HTR1D: variants seen among roughly 807,000 people sequenced by gnomAD.
The protein encoded by HTR1D is 5-hydroxytryptamine receptor 1D, also known as 5-HT-1D.
HTR1D carries 18 observed loss-of-function variants against 21.1 expected under a neutral mutation model. The observed-to-expected ratio is 0.85, with a 90% CI of 0.59 to 1.27. The LOEUF (loss-of-function observed/expected upper bound fraction) is 1.27, where lower values mean the gene tolerates loss of function less well. HTR1D is among the 50% of genes most tolerant of loss of function. The pLI is 0.00. For synonymous variants in HTR1D, 196 were observed against 204.4 expected, an observed-to-expected ratio of 0.96 and a Z score of 0.35; for missense variants, 456 against 481.4, an observed-to-expected ratio of 0.95 and a Z score of 0.49.
intron 1 of HTR1D, among the ~76,000 whole-genome samples, chr1:23,199,798 C>G (rs1056937929): frequency 5.3e-5 from 8 of 151,534 alleles, no homozygotes; most frequent in African/African-American, 1.7e-4. Context: ...CTCCGCCTTC[C>G]GGGTTCAAGT....
At position 23,193,184 on chromosome 1, in the gene HTR1D, A is replaced by T; in HGVS notation, c.1036T>A (p.Tyr346Asn). Residue 346 changes from tyrosine (Y) to asparagine (N), a missense_variant, in exon 2 of 2, where the codon TAT becomes AAT. Transcript: ENST00000374619. The stretch of plus-strand genomic sequence containing the variant: ...ATTGGATTGATGAGGGAGTTTAAAT[A>T]GCCTAGCCAGGTGAAGAAGTCAAAG... ...ALFDFFTWLG[Y>N]LNSLINPIIY... 6.2e-7 allele frequency: 1 copy of T among 1,614,066 alleles called. No individual in the cohort carries two copies. Among genetic ancestry groups the T allele is most frequent in the Non-Finnish European group, 8.5e-7 (1 of 1,179,992 alleles).
chr1:23,206,049 C>CT (rs923780808), intron 1 of HTR1D, among the ~76,000 whole-genome samples: 86 of 148,858 alleles, frequency 5.8e-4, no homozygotes, highest in South Asian at 1.5e-3. Flanking sequence ...TCCTTCCTTT[C>CT]TTTTTTTTTT....
rs1644778616 is a variant in HTR1D, at chr1:23,217,168, C to G, written c.-783+123G>C. On this transcript the variant is annotated intron_variant, in intron 1 of 1. Transcript: ENST00000374619. The surrounding 1 kb of genome is among the most constrained non-coding windows in gnomAD (Gnocchi z 4.6). ...ACCCTCTCCCTGGCGCGCGCCCGTC[C>G]GAGGGCACAGAGAGGCGGGACGCCC... Among the ~76,000 whole-genome samples, 1 of 151,900 alleles carries G rather than the reference C, an allele frequency of 6.6e-6. No homozygotes were observed. The highest frequency in any genetic ancestry group is 2.0e-4 in the East Asian group (1 of 5,096).
chr1:23,202,410 T>C (rs1644713428), intron 1 of HTR1D, among the ~76,000 whole-genome samples: 1 of 152,088 alleles, frequency 6.6e-6, no homozygotes, highest in Non-Finnish European at 1.5e-5. Context: ...GCTGGCCTCT[T>C]ACAAAAGCAA....
At chr1:23,215,692 T>C (rs142340350) in intron 1 of HTR1D, among the ~76,000 whole-genome samples, 2,742 of 152,340 alleles carry the variant, frequency 0.018, 34 homozygotes, top group Middle Eastern at 0.054. Context: ...ATCAGGTAAC[T>C]GACAAACTCT....
chr1:23,212,547 C>G (rs1644757605), intron 1 of HTR1D, among the ~76,000 whole-genome samples: 1 of 152,222 alleles, frequency 6.6e-6, no homozygotes, highest in African/African-American at 2.4e-5. Flanking sequence ...ATCTCATTAT[C>G]CTGCAGTCCA....
Position 23,217,109 on chromosome 1 carries a change from G to C in HTR1D, c.-783+182C>G, listed in dbSNP as rs555559981. 6.6e-6 allele frequency among the ~76,000 whole-genome samples: 1 copy of C among 151,912 alleles called. No homozygotes were observed. The highest frequency in any genetic ancestry group is 2.1e-4 in the South Asian group (1 of 4,826). ...CCCGGGGCTCTGGACGGCCACCCCC[G>C]GTGGCCTCCCTCCGGCCGGGCAGGT... is the stretch of plus-strand genomic sequence containing the variant. On this transcript the variant is annotated intron_variant, in intron 1 of 1. Transcript: ENST00000374619. This position sits in a 1 kb window ranked among gnomAD's most constrained non-coding sequence, Gnocchi z 4.6.
chr1:23,197,515 G>A (rs1436196723), intron 1 of HTR1D, among the ~76,000 whole-genome samples: 1 of 152,096 alleles, frequency 6.6e-6, no homozygotes, highest in Admixed American at 6.6e-5. Context: ...TGGATCACCT[G>A]AGGTCAGGAG....
At chr1:23,210,833 A>G (rs1252031305) in intron 1 of HTR1D, among the ~76,000 whole-genome samples, 2 of 151,874 alleles carry the variant, frequency 1.3e-5, no homozygotes, top group Non-Finnish European at 2.9e-5. Context: ...TCCCCCCTAT[A>G]CTGGAGCCCA....
chr1:23,200,553 A>T (rs1168066042), intron 1 of HTR1D, among the ~76,000 whole-genome samples: 3 of 152,208 alleles, frequency 2.0e-5, no homozygotes, highest in Admixed American at 2.0e-4. Flanking sequence ...TTATTTATTT[A>T]TTTATGGATA....
At chr1:23,209,242 G>A (rs989306630) in intron 1 of HTR1D, among the ~76,000 whole-genome samples, 2 of 152,062 alleles carry the variant, frequency 1.3e-5, no homozygotes, top group Admixed American at 6.6e-5. Context: ...CAGGTGATCC[G>A]TCCGCCTCGG....
At position 23,193,097 on chromosome 1, in the gene HTR1D, T is replaced by G; in HGVS notation, c.1123A>C (p.Lys375Gln). ...QAFQKIVPFR[K>Q]AS ...ATCACCGAATAAGACTAGGAGGCCT[T>G]CCGGAAAGGGACAATTTTCTGAAAA... Residue 375 changes from lysine to glutamine, a missense_variant, in exon 2 of 2, where the codon AAG becomes CAG. Transcript: ENST00000374619. 6.2e-7 allele frequency: 1 copy of G among 1,607,440 alleles called. No homozygotes were observed. Among genetic ancestry groups the G allele is most frequent in the African/African-American group, 1.3e-5 (1 of 74,626 alleles).
At chr1:23,201,359 C>A (rs568380628) in intron 1 of HTR1D, among the ~76,000 whole-genome samples, 111 of 152,240 alleles carry the variant, frequency 7.3e-4, no homozygotes, top group African/African-American at 2.6e-3. Context: ...GGAGAGGAAC[C>A]ACCTGTCCTG....
chr1:23,202,434 A>ACAAAAG (rs764659486), intron 1 of HTR1D, among the ~76,000 whole-genome samples: 3 of 152,170 alleles, frequency 2.0e-5, no homozygotes, highest in Non-Finnish European at 2.9e-5. Flanking sequence ...CTGGCCTCTT[A>ACAAAAG]CAAAAGCTTC....
At chr1:23,214,439 C>CATTG (rs1557729900) in intron 1 of HTR1D, among the ~76,000 whole-genome samples, 1 of 152,038 alleles carries the variant, frequency 6.6e-6, no homozygotes, top group African/African-American at 2.4e-5. Context: ...TTCATTCATT[C>CATTG]ATTCATTCAT....
chr1:23,197,389 T>C (rs1040719603), intron 1 of HTR1D, among the ~76,000 whole-genome samples: 3 of 152,172 alleles, frequency 2.0e-5, no homozygotes, highest in African/African-American at 4.8e-5. Context: ...ACATGGACTG[T>C]AGCTCTATAA....
In HTR1D at chr1:23,194,206, T is replaced by C. The variant is rs866666318; in HGVS notation, c.14A>G (p.Asn5Ser). 6.2e-7 allele frequency: 1 copy of C among 1,613,208 alleles called. No individual in the cohort carries two copies. The change falls in exon 2 of 2, where the codon AAC becomes AGC. Residue 5 changes from asparagine (N) to serine (S), a missense_variant. Physicochemically the swap from Asn to Ser is conservative, Grantham distance 46 (BLOSUM62 1). Coordinates refer to ENST00000374619, the MANE Select transcript of HTR1D (RefSeq NM_000864.5). MSPL[N>S]QSAEGLPQEA... ...CTGGGGAAGGCCTTCTGCTGACTGG[T>C]TCAGTGGGGACATGCTAGGTGGCTC...
At chr1:23,211,089 A>C (rs1644751409) in intron 1 of HTR1D, among the ~76,000 whole-genome samples, 1 of 152,214 alleles carries the variant, frequency 6.6e-6, no homozygotes, top group Non-Finnish European at 1.5e-5. Flanking sequence ...GGTGTGATTC[A>C]GAGCACAAGC....
chr1:23,211,497 C>T (rs1168172570), intron 1 of HTR1D, among the ~76,000 whole-genome samples: 1 of 152,088 alleles, frequency 6.6e-6, no homozygotes, highest in East Asian at 1.9e-4. Context: ...CATACCATGT[C>T]CCGAGTTAAA....
Sources: gnomAD v4.1 joint callset for allele counts (sites outside exome capture counted in the v4.1 genomes callset) on GRCh38, gnomAD v4.1.1 for gene constraint, Gnocchi (gnomAD v3.1) non-coding constraint, MANE v1.5 for transcripts, NCBI Gene and HGNC (gene_info 2026-07-23, HGNC 2026-07-21) for gene names.